Variants in RABGAP1L observed in about 807,000 individuals in gnomAD.
The protein encoded by RABGAP1L is rab GTPase-activating protein 1-like.
Under a neutral mutation model 137.7 loss-of-function variants are expected in RABGAP1L, and 63 were observed. The observed-to-expected ratio is 0.46, with a 90% CI of 0.37 to 0.56. RABGAP1L has a LOEUF of 0.56. Among genes scored for constraint, RABGAP1L ranks in the 20% least tolerant of loss-of-function variants. RABGAP1L has a pLI of 0.00. For missense variants in RABGAP1L, 1,095 were observed against 1,244.0 expected (o/e 0.88, Z 1.80); for synonymous variants, 431 against 433.7 (o/e 0.99, Z 0.08).
At chr1:174,927,385 G>A (rs1180882133) in intron 19 of RABGAP1L, among the ~76,000 whole-genome samples, 1 of 152,084 alleles carries the variant, frequency 6.6e-6, no homozygotes, top group African/African-American at 2.4e-5. Context: ...GTGAATTATA[G>A]TAATATTTCT....
intron 13 of RABGAP1L, among the ~76,000 whole-genome samples, chr1:174,552,502 C>G (rs1311699636): frequency 6.6e-6 from 1 of 152,090 alleles, no homozygotes; most frequent in Non-Finnish European, 1.5e-5. Flanking sequence ...AGGACATAAT[C>G]TCATTCTTTT....
chr1:174,850,261 T>G (rs1648056366), intron 19 of RABGAP1L: 1 of 252,010 alleles, frequency 4.0e-6, no homozygotes, highest in Admixed American at 4.9e-5. Flanking sequence ...TTTCTTCTAC[T>G]GAGGCCTTGG....
chr1:174,254,620 G>C (rs1672968646), intron 7 of RABGAP1L, among the ~76,000 whole-genome samples: 1 of 152,160 alleles, frequency 6.6e-6, no homozygotes. Flanking sequence ...AGTTTGCTGA[G>C]AATGATGGTT....
intron 15 of RABGAP1L, among the ~76,000 whole-genome samples, chr1:174,697,574 A>G (rs1242719035): frequency 6.6e-6 from 1 of 152,098 alleles, no homozygotes; most frequent in African/African-American, 2.4e-5. Flanking sequence ...CCACCTTGGC[A>G]TCCCAAAGTG....
At chr1:174,555,859 G>A (rs925817917) in intron 13 of RABGAP1L, among the ~76,000 whole-genome samples, 2 of 151,958 alleles carry the variant, frequency 1.3e-5, no homozygotes, top group Non-Finnish European at 2.9e-5. Context: ...GACTATGTCA[G>A]TTTGTTTGGA....
chr1:174,550,974 GTATATATACATATA>G (rs1236936101), intron 13 of RABGAP1L, among the ~76,000 whole-genome samples: 1 of 36,064 alleles, frequency 2.8e-5, no homozygotes, highest in Non-Finnish European at 4.7e-5. Context: ...ATATATACAT[GTATATATACATATA>G]TATATATACA....
At chr1:174,629,673 C>A (rs1673186028) in intron 13 of RABGAP1L, among the ~76,000 whole-genome samples, 1 of 152,078 alleles carries the variant, frequency 6.6e-6, no homozygotes, top group African/African-American at 2.4e-5. Context: ...CAGGCATGTG[C>A]TACCATGCCG....
At chr1:174,497,528 C>A (rs79175505) in intron 13 of RABGAP1L, among the ~76,000 whole-genome samples, 3 of 152,182 alleles carry the variant, frequency 2.0e-5, no homozygotes, top group African/African-American at 4.8e-5. Context: ...CCTTCTCCCC[C>A]ACTCCCTTGT....
At chr1:174,238,629 A>G (rs1020439514) in intron 4 of RABGAP1L, among the ~76,000 whole-genome samples, 7 of 150,544 alleles carry the variant, frequency 4.6e-5, no homozygotes, top group African/African-American at 1.7e-4. Flanking sequence ...GCCCGTTCTC[A>G]GATCTCCAGC....
At chr1:174,562,877 ATAACATTAGG>A in intron 13 of RABGAP1L, among the ~76,000 whole-genome samples, 1 of 152,302 alleles carries the variant, frequency 6.6e-6, no homozygotes, top group East Asian at 1.9e-4. Flanking sequence ...TAGGAGAGGG[ATAACATTAGG>A]AGAAATACCT....
chr1:174,225,985 T>C (rs181900590), intron 3 of RABGAP1L, among the ~76,000 whole-genome samples: 12 of 152,278 alleles, frequency 7.9e-5, no homozygotes, highest in Non-Finnish European at 1.2e-4. Context: ...CTACCAGCAT[T>C]TCAGGTAGTT....
intron 23 of RABGAP1L, among the ~76,000 whole-genome samples, chr1:174,979,893 G>A (rs1670947837): frequency 6.6e-6 from 1 of 152,146 alleles, no homozygotes; most frequent in Admixed American, 6.5e-5. Context: ...ATTAATTAAA[G>A]TACCATATGC....
intron 1 of RABGAP1L, among the ~76,000 whole-genome samples, chr1:174,178,835 G>T (rs1483284296): frequency 6.6e-6 from 1 of 152,162 alleles, no homozygotes; most frequent in African/African-American, 2.4e-5. Flanking sequence ...CCTATTGGGG[G>T]TTGGGAGGCA....
chr1:174,936,854 T>C (rs986065449), intron 19 of RABGAP1L, among the ~76,000 whole-genome samples: 2 of 152,096 alleles, frequency 1.3e-5, no homozygotes, highest in Admixed American at 6.5e-5. Context: ...ATAGCTTCAA[T>C]TATATAATTA....
chr1:174,327,956 AATAT>A (rs1180255952), intron 11 of RABGAP1L, among the ~76,000 whole-genome samples: 1,936 of 97,908 alleles, frequency 0.02, 48 homozygotes, highest in Middle Eastern at 0.059. Context: ...AACAGTTGTA[AATAT>A]ATATATATAT....
At chr1:174,403,984 A>G (rs374538351) in intron 13 of RABGAP1L, among the ~76,000 whole-genome samples, 30 of 152,276 alleles carry the variant, frequency 2.0e-4, no homozygotes, top group East Asian at 1.4e-3. Context: ...GAAGGCAGGT[A>G]TTACTCTCAT....
chr1:174,424,734 T>C (rs1029298950), intron 13 of RABGAP1L, among the ~76,000 whole-genome samples: 4 of 151,964 alleles, frequency 2.6e-5, no homozygotes, highest in Non-Finnish European at 5.9e-5. Flanking sequence ...TATTCTTTTT[T>C]TCCAGAGAAA....
At chr1:174,820,922 C>T (rs1453811522) in intron 19 of RABGAP1L, among the ~76,000 whole-genome samples, 6 of 150,718 alleles carry the variant, frequency 4.0e-5, no homozygotes, top group Admixed American at 3.3e-4. Flanking sequence ...GAGGCTGAGG[C>T]GTGGGAATTG....
Position 174,172,883 on chromosome 1 carries a change from G to C in RABGAP1L, c.-34+13226G>C, listed in dbSNP as rs1026849273. Among the ~76,000 whole-genome samples the C allele has an allele frequency of 5.9e-5, 9 of 151,908 alleles. 1 individual carries two copies. Among genetic ancestry groups the C allele is most frequent in the Admixed American group, 5.9e-4 (9 of 15,226 alleles). ...GTCCTACTTATTTATTTTTGCTTTT[G>C]TTGTTTGAGCTTTTGGTGTAGTATC... On this transcript the variant is annotated intron_variant, in intron 1 of 25. Transcript: ENST00000681986.
Sources: gnomAD v4.1 joint callset for allele counts (sites outside exome capture counted in the v4.1 genomes callset) on GRCh38, gnomAD v4.1.1 for gene constraint, MANE v1.5 for transcripts, NCBI Gene and HGNC (gene_info 2026-07-23, HGNC 2026-07-21) for gene names.